SLC30A5: variants seen among roughly 807,000 people sequenced by gnomAD.
The protein encoded by SLC30A5 is solute carrier family 30 member 5.
Under a neutral mutation model 79.6 loss-of-function variants are expected in SLC30A5, and 33 were observed. The ratio of observed to expected loss-of-function variants is 0.41; its 90% CI spans 0.31 to 0.55. The LOEUF (loss-of-function observed/expected upper bound fraction) is 0.55. Ranked by LOEUF, SLC30A5 falls within the 20% of genes least tolerant of loss-of-function variation. The pLI, the probability that SLC30A5 is intolerant of heterozygous loss-of-function variation, is 0.20. For synonymous variants in SLC30A5, 299 were observed against 319.7 expected, an observed-to-expected ratio of 0.94 and a Z score of 0.69; for missense variants, 788 against 928.1, an observed-to-expected ratio of 0.85 and a Z score of 1.96.
chr5:69,098,234 T>G (rs1745802527), intron 1 of SLC30A5, among the ~76,000 whole-genome samples: 1 of 152,140 alleles, frequency 6.6e-6, no homozygotes, highest in Non-Finnish European at 1.5e-5. Flanking sequence ...AATTCCCTGG[T>G]TCTCGCCAGG....
chr5:69,125,404 T>C (rs932642904), intron 14 of SLC30A5, among the ~76,000 whole-genome samples: 1 of 151,378 alleles, frequency 6.6e-6, no homozygotes, highest in African/African-American at 2.4e-5. Context: ...CGGGCACCTG[T>C]AATCCAAGCT....
chr5:69,107,945 G>A (rs1249125840), intron 4 of SLC30A5, among the ~76,000 whole-genome samples: 1 of 152,086 alleles, frequency 6.6e-6, no homozygotes, highest in East Asian at 1.9e-4. Context: ...GTTGGCCAGA[G>A]TGGTCTCGAT....
chr5:69,100,072 G>A (rs543067323), intron 1 of SLC30A5, among the ~76,000 whole-genome samples: 2 of 152,196 alleles, frequency 1.3e-5, no homozygotes, highest in African/African-American at 2.4e-5. Context: ...GGGTTCAAGC[G>A]ATTCTCTTGC....
intron 4 of SLC30A5, among the ~76,000 whole-genome samples, chr5:69,105,160 A>G (rs759044650): frequency 2.0e-5 from 3 of 152,218 alleles, no homozygotes; most frequent in Non-Finnish European, 4.4e-5. Context: ...TAGTATATCA[A>G]TTATCAGATT....
chr5:69,128,801 G>C (rs1336674076), intron 15 of SLC30A5, among the ~76,000 whole-genome samples: 2 of 152,082 alleles, frequency 1.3e-5, no homozygotes, highest in Admixed American at 6.6e-5. Context: ...GCTATGTTTG[G>C]AGATAGAGGT....
rs1277881592 is a variant in SLC30A5, at chr5:69,123,387, C to A, written c.1960C>A (p.Pro654Thr). ...CCAGGTTCTACTCCTGAGATTGCCA[C>A]CAGAATATGAAAAAGAACTACATAT... ...ACQVLLLRLP[P>T]EYEKELHIAL... The change falls in exon 14 of 16, where the codon CCA becomes ACA. Residue 654 changes from proline to threonine, a missense_variant. Around this residue, in one of 3 missense-constraint regions of SLC30A5, gnomAD observed 158 missense variants for 156.2 expected, o/e 1.01. Transcript: ENST00000396591. 9 of 1,613,674 alleles carry A rather than the reference C, an allele frequency of 5.6e-6. No individual in the cohort carries two copies. Among genetic ancestry groups the A allele is most frequent in the Non-Finnish European group, 7.6e-6 (9 of 1,179,826 alleles).
intron 3 of SLC30A5, chr5:69,104,080 T>C: frequency 6.6e-7 from 1 of 1,516,942 alleles, no homozygotes; most frequent in Non-Finnish European, 8.9e-7. Context: ...GAAAAAGATT[T>C]CAAAATCTAC....
intron 3 of SLC30A5, 158 bp from the exon 4 acceptor site, chr5:69,104,473 C>T (rs1462664658): frequency 5.8e-6 from 8 of 1,376,734 alleles, no homozygotes; most frequent in Admixed American, 7.1e-5. Flanking sequence ...GAAATCTAGA[C>T]TTAGTCAAGG....
chr5:69,125,219 A>G (rs1035759266), intron 14 of SLC30A5, among the ~76,000 whole-genome samples: 1 of 151,550 alleles, frequency 6.6e-6, no homozygotes, highest in Non-Finnish European at 1.5e-5. Context: ...GTGAAAGTCC[A>G]TCTCTACTAA....
chr5:69,101,045 T>A (rs746280824), intron 2 of SLC30A5, 116 bp downstream of exon 2: 4 of 1,039,048 alleles, frequency 3.8e-6, no homozygotes, highest in Admixed American at 3.1e-5. Flanking sequence ...TCCTGACAAG[T>A]ATTTGATAAA....
At chr5:69,129,395 G>A (rs1746789399) in intron 15 of SLC30A5, 52 bp from the exon 16 acceptor site, 4 of 1,357,584 alleles carry the variant, frequency 2.9e-6, no homozygotes, top group Admixed American at 3.6e-5. Flanking sequence ...TAAGACGTGT[G>A]TACTAAATGC....
chr5:69,120,253 G>A (rs542161635), intron 12 of SLC30A5, among the ~76,000 whole-genome samples: 6 of 151,810 alleles, frequency 4.0e-5, no homozygotes, highest in Middle Eastern at 3.4e-3. Flanking sequence ...GCATGGTGGC[G>A]GGCGCCTGTA....
rs1196233869 is a variant in SLC30A5, at chr5:69,094,184, T to C, written c.-72T>C. 1 of 801,128 alleles carries C rather than the reference T, an allele frequency of 1.2e-6. No individual in the cohort carries two copies. Among genetic ancestry groups the C allele is most frequent in the Non-Finnish European group, 1.7e-6 (1 of 581,156 alleles). The allele number at this position is 801,128 out of a possible 1,614,324, so 49.6% of individuals were successfully genotyped here. ...GGGGGAGTGACGCGCCTGCACCCGCTGTTCCGCGGCAGCGGCGAGACATGA... is the reference window on the plus strand; with the variant it reads ...GGGGGAGTGACGCGCCTGCACCCGCCGTTCCGCGGCAGCGGCGAGACATGA... On this transcript the variant is annotated 5_prime_UTR_variant, in exon 1 of 16. Transcript: ENST00000396591.
chr5:69,100,509 A>C lies in SLC30A5; in HGVS notation c.84-298A>C, dbSNP rs372963215. ...TTAACAGTAGGGCGCGGTGGCTCACACCTGTAATCCTAGCACTTTGGGAGA... is the reference window on the plus strand; with the variant it reads ...TTAACAGTAGGGCGCGGTGGCTCACCCCTGTAATCCTAGCACTTTGGGAGA... On this transcript the variant is annotated intron_variant, in intron 1 of 15. Transcript: ENST00000396591. 1.1e-4 allele frequency among the ~76,000 whole-genome samples: 17 copies of C among 151,544 alleles called. No individual in the cohort carries two copies. The East Asian group carries it at 3.3e-3, about 29-fold the overall frequency.
In SLC30A5 at chr5:69,115,422, A is replaced by G. The variant is rs761365350; in HGVS notation, c.783+15A>G. The G allele has an allele frequency of 1.8e-5, 28 of 1,596,422 alleles. No homozygotes were observed. In the South Asian group the frequency reaches 2.9e-4, roughly 17 times the overall value. ...TGACAACTGAGGTAAGATAAGAGCA[A>G]GAATTTATTGGTATTAAATTGCTAG... is the stretch of plus-strand genomic sequence containing the variant. On this transcript the variant is annotated intron_variant, in intron 8 of 15. Transcript: ENST00000396591.
rs1423702620 is a variant in SLC30A5, at chr5:69,115,483, ATTCAATAAATTATATTTTAAT to A, written c.783+79_783+99del. ...TGCTATTAAATTTTTAGTTCACTGTATTCAATAAATTATATTTTAATTTGAGGTTGAAAGTGGCTTAAATTG... is the reference window on the plus strand; with the variant it reads ...TGCTATTAAATTTTTAGTTCACTGTATTGAGGTTGAAAGTGGCTTAAATTG... On this transcript the variant is annotated intron_variant, in intron 8 of 15. Transcript: ENST00000396591. 5 of 1,123,690 alleles carry A rather than the reference ATTCAATAAATTATATTTTAAT, an allele frequency of 4.4e-6. No homozygotes were observed. The Admixed American group carries it at 9.8e-5, about 22-fold the overall frequency. The allele number at this position is 1,123,690 out of a possible 1,614,324, so 69.6% of individuals were successfully genotyped here. A position where few individuals can be genotyped will look rare whatever the true frequency, so the allele number is the denominator to read the frequency against.
At position 69,100,858 on chromosome 5, in the gene SLC30A5, G is replaced by A. The variant is rs927067350; in HGVS notation, c.135G>A (p.Val45=). Residue 45 remains valine, a synonymous_variant, in exon 2 of 16, where the codon GTG becomes GTA. Transcript: ENST00000396591. ...LLCFTKFLKA[V]GLFESYDLLK... is the part of the protein sequence containing the mutation. Reference sequence around the variant, plus strand: ...GTTTCACTAAATTTTTGAAGGCTGTGGGACTTTTCGAATCATATGATCTCC... The same window carrying A: ...GTTTCACTAAATTTTTGAAGGCTGTAGGACTTTTCGAATCATATGATCTCC... The A allele has an allele frequency of 6.2e-7, 1 of 1,609,236 alleles. No individual in the cohort carries two copies. Among genetic ancestry groups the A allele is most frequent in the Non-Finnish European group, 8.5e-7 (1 of 1,176,308 alleles).
At chr5:69,108,491 T>C (rs963027061) in intron 5 of SLC30A5, 55 bp downstream of exon 5, 1 of 1,226,788 alleles carries the variant, frequency 8.2e-7, no homozygotes, top group African/African-American at 1.5e-5. Context: ...TGTCACATAT[T>C]ATCCAAAGGA....
chr5:69,117,435 C>T (rs1746402527), intron 11 of SLC30A5, 39 bp downstream of exon 11: 3 of 1,531,618 alleles, frequency 2.0e-6, no homozygotes, highest in East Asian at 4.5e-5. Context: ...ATCTTAAGTG[C>T]AAATTCCATC....
Sources: allele counts gnomAD v4.1 joint callset (sites outside exome capture counted in the v4.1 genomes callset), GRCh38; gene constraint gnomAD v4.1.1; regional missense constraint gnomAD v4.1.1; transcripts MANE v1.5; gene names NCBI Gene and HGNC (gene_info 2026-07-23, HGNC 2026-07-21).